ERI2: variants seen among roughly 807,000 people sequenced by gnomAD.
The protein encoded by ERI2 is ERI1 exoribonuclease family member 2.
ERI2 carries 35 observed loss-of-function variants against 46.8 expected under a neutral mutation model. The observed-to-expected ratio is 0.75, with a 90% CI of 0.57 to 0.99. The LOEUF (loss-of-function observed/expected upper bound fraction) is 0.99, where lower values mean the gene tolerates loss of function less well. Ranked by LOEUF, ERI2 falls within the 50% of genes least tolerant of loss-of-function variation. The probability of loss-of-function intolerance (pLI) is 0.00; values close to 1 mark genes in which losing one functional copy is unlikely to be tolerated. For synonymous variants in ERI2, 224 were observed against 271.0 expected (o/e 0.83, Z 1.70); for missense variants, 695 against 796.2 (o/e 0.87, Z 1.53).
chr16:20,801,264 A>T lies in ERI2; in HGVS notation c.399T>A (p.Ala133=). 6.2e-7 allele frequency: 1 copy of T among 1,612,852 alleles called. No individual in the cohort carries two copies. ...AAGCAGAAGGCTCTGAAATCCCAGT[A>T]GCAAAAATAATGTTCTTCTGTTGCT... ...KIQQQKNIIF[A]TGISEPSASE... is the part of the protein sequence containing the mutation. The change falls in exon 5 of 9, where the codon GCT becomes GCA. Residue 133 remains alanine (A), a synonymous_variant. Transcript: ENST00000357967.
chr16:20,781,919 C>A (rs879013534), intron 10 of ERI2: 1 of 652,450 alleles, frequency 1.5e-6, no homozygotes, highest in Non-Finnish European at 2.7e-6. Flanking sequence ...TCCTCTTCCT[C>A]TTTCTCCTTC....
At chr16:20,805,673 G>T in intron 1 of ERI2, 1 of 168,018 alleles carries the variant, frequency 6.0e-6, no homozygotes, top group Non-Finnish European at 1.2e-5. Context: ...TCAAACATTA[G>T]GTCATAGCCT....
rs1371993262 is a variant in ERI2 at position 20,797,608 on chromosome 16, A to G, written c.*116T>C. 1.5e-6 allele frequency: 2 copies of G among 1,326,006 alleles called. No individual in the cohort carries two copies. Among genetic ancestry groups the G allele is most frequent in the East Asian group, 5.6e-5 (2 of 35,562 alleles). 82.1% of individuals were successfully genotyped at this position (1,326,006 alleles called of 1,614,324 possible). A position where few individuals can be genotyped will look rare whatever the true frequency, so the allele number is the denominator to read the frequency against. ...TACACTTGTGGTTCCTGAAGAAAGT[A>G]TGGTAAATGCAGTAAACATTAATAT... On this transcript the variant is annotated 3_prime_UTR_variant, in exon 9 of 9. Transcript: ENST00000357967.
chr16:20,800,123 A>G, intron 6 of ERI2, 85 bp from the exon 7 acceptor site: 1 of 981,306 alleles, frequency 1.0e-6, no homozygotes, highest in Non-Finnish European at 1.5e-6. Context: ...TTTTAGTTCT[A>G]TTAGATTTAG....
chr16:20,789,788 C>T (rs1022615491), intron 9 of ERI2, among the ~76,000 whole-genome samples: 3 of 150,646 alleles, frequency 2.0e-5, no homozygotes, highest in African/African-American at 7.3e-5. Flanking sequence ...AATTCTCCTG[C>T]TCAACCTCCC....
rs1291936942 is a variant in ERI2, at chr16:20,800,043, C to A, written c.562-5G>T. ...TGGTTTTCTCCTATAGAAAAGCTAA[C>A]CAATAAAAAAAGATATATTTAAAAG... On this transcript the variant is annotated splice_polypyrimidine_tract_variant and splice_region_variant and intron_variant, in intron 6 of 8. Transcript: ENST00000357967. 2 of 1,534,270 alleles carry A rather than the reference C, an allele frequency of 1.3e-6. No individual in the cohort carries two copies. The highest frequency in any genetic ancestry group is 1.4e-5 in the African/African-American group (1 of 72,218).
At chr16:20,786,767 G>T (rs948282391) in intron 10 of ERI2, among the ~76,000 whole-genome samples, 46 of 152,118 alleles carry the variant, frequency 3.0e-4, no homozygotes, top group Non-Finnish European at 8.8e-5. Context: ...TACAAACAAG[G>T]CACAAAGAGG....
In ERI2 at chr16:20,801,367, G is replaced by A; in HGVS notation, c.304-8C>T. 6.3e-7 allele frequency: 1 copy of A among 1,575,032 alleles called. No homozygotes were observed. Among genetic ancestry groups the A allele is most frequent in the Non-Finnish European group, 8.6e-7 (1 of 1,163,568 alleles). On this transcript the variant is annotated splice_polypyrimidine_tract_variant and splice_region_variant and intron_variant, in intron 4 of 8. Coordinates refer to ENST00000357967, the MANE Select transcript of ERI2 (RefSeq NM_001142725.2). ...TCCTTCATCAACTTGAGCCTGAGTA[G>A]AGAGTCACAAAAGCTGAATTCAACA...
chr16:20,786,047 T>G (rs978820171), intron 10 of ERI2: 1 of 1,416,496 alleles, frequency 7.1e-7, no homozygotes, highest in African/African-American at 1.5e-5. Context: ...TGACTTGTAA[T>G]GTTATCTTAC....
intron 4 of ERI2, 140 bp from the exon 5 acceptor site, chr16:20,801,499 G>T: frequency 1.1e-6 from 1 of 885,498 alleles, no homozygotes; most frequent in Non-Finnish European, 1.6e-6. Flanking sequence ...ACTGTGGGAA[G>T]ACATAACAAA....
chr16:20,792,465 G>C (rs376252343), downstream of ERI2: 7 of 1,515,144 alleles, frequency 4.6e-6, no homozygotes, highest in East Asian at 9.3e-5. Flanking sequence ...ATAGAAATAT[G>C]CTAGTCAGAA....
downstream of ERI2, chr16:20,792,180 G>A: frequency 6.2e-7 from 1 of 1,613,944 alleles, no homozygotes; most frequent in Non-Finnish European, 8.5e-7. Flanking sequence ...GATCATCAGT[G>A]TTCTAGAGTG....
chr16:20,792,117 T>TA, downstream of ERI2: 1 of 1,614,154 alleles, frequency 6.2e-7, no homozygotes, highest in South Asian at 1.1e-5. Flanking sequence ...GATGATGTCA[T>TA]ATTATCCTCT....
chr16:20,787,112 C>A (rs2080490965), intron 10 of ERI2, among the ~76,000 whole-genome samples: 1 of 152,192 alleles, frequency 6.6e-6, no homozygotes, highest in Non-Finnish European at 1.5e-5. Flanking sequence ...ATCAACCGAG[C>A]TTCAAAGCTG....
Position 20,801,228 on chromosome 16 carries a change from T to C in ERI2, c.435A>G (p.Lys145=), listed in dbSNP as rs1344567326. 6.2e-7 allele frequency: 1 copy of C among 1,611,790 alleles called. No homozygotes were observed. The highest frequency in any genetic ancestry group is 8.5e-7 in the Non-Finnish European group (1 of 1,179,154). The change falls in exon 5 of 9, where the codon AAA becomes AAG. Residue 145 remains lysine (K), a synonymous_variant. Transcript: ENST00000357967. ...GISEPSASEV[K]LCAFVTWSDW... is the part of the protein sequence containing the mutation. ...CTGACCAAGTAACAAATGCACATAA[T>C]TTTACTTCAGAAGCAGAAGGCTCTG...
chr16:20,781,038 T>C (rs1257469219), intron 10 of ERI2: 2 of 1,614,210 alleles, frequency 1.2e-6, no homozygotes, highest in Non-Finnish European at 1.7e-6. Context: ...CTGGGCAAAG[T>C]CTGCATGGAG....
chr16:20,798,392 T>G lies in ERI2; in HGVS notation c.1408A>C (p.Thr470Pro). The change falls in exon 9 of 9, where the codon ACT becomes CCT. Residue 470 changes from threonine to proline, a missense_variant. Physicochemically the swap from Thr to Pro is conservative, Grantham distance 38. Transcript: ENST00000357967. ...DIEETPQKSE[T>P]SKSIVYKSPH... ...CTCTTGTACACAATAGACTTAGAAG[T>G]CTCAGATTTTTGAGGAGTTTCCTCT... The G allele has an allele frequency of 3.9e-6, 6 of 1,550,558 alleles. No individual in the cohort carries two copies. The highest frequency in any genetic ancestry group is 5.2e-6 in the Non-Finnish European group (6 of 1,146,712).
chr16:20,792,945 C>T (rs1464074300), downstream of ERI2, among the ~76,000 whole-genome samples: 1 of 152,128 alleles, frequency 6.6e-6, no homozygotes, highest in Non-Finnish European at 1.5e-5. Context: ...ACAACATGCC[C>T]CTAGGGTTTC....
At chr16:20,787,639 G>T (rs760302795) in intron 10 of ERI2, among the ~76,000 whole-genome samples, 1 of 152,198 alleles carries the variant, frequency 6.6e-6, no homozygotes, top group Non-Finnish European at 1.5e-5. Context: ...CTTGATTGCT[G>T]CTGTAACTCT....
Sources: gnomAD v4.1 joint callset for allele counts (sites outside exome capture counted in the v4.1 genomes callset) on GRCh38, gnomAD v4.1.1 for gene constraint, MANE v1.5 for transcripts, NCBI Gene and HGNC (gene_info 2026-07-23, HGNC 2026-07-21) for gene names.